DIS3L: variants seen among roughly 807,000 people sequenced by gnomAD.
DIS3L encodes DIS3-like exonuclease 1.
DIS3L carries 100 observed loss-of-function variants against 120.3 expected under a neutral mutation model. The observed-to-expected ratio is 0.83, with a 90% CI of 0.71 to 0.98. The LOEUF is 0.98. DIS3L is among the 50% of genes least tolerant of loss of function. The pLI is 0.00. For synonymous variants in DIS3L, 426 were observed against 470.6 expected, an observed-to-expected ratio of 0.91 and a Z score of 1.23; for missense variants, 1,196 against 1,314.2, an observed-to-expected ratio of 0.91 and a Z score of 1.39.
At chr15:66,319,543 CAAG>C (rs906595133) in intron 8 of DIS3L, among the ~76,000 whole-genome samples, 1 of 152,188 alleles carries the variant, frequency 6.6e-6, no homozygotes, top group Non-Finnish European at 1.5e-5. Context: ...AAGACATAAA[CAAG>C]AAGGTTAGAA....
At position 66,329,607 on chromosome 15, in the gene DIS3L, C is replaced by T. The variant is rs1298039163; in HGVS notation, c.2535+208C>T. The T allele has an allele frequency of 2.4e-5, 30 of 1,258,296 alleles. No homozygotes were observed. In the East Asian group the frequency reaches 7.2e-4, roughly 30 times the overall value. 77.9% of individuals were successfully genotyped at this position (1,258,296 alleles called of 1,614,324 possible). A position where few individuals can be genotyped will look rare whatever the true frequency, so the allele number is the denominator to read the frequency against. On this transcript the variant is annotated intron_variant, in intron 14 of 16. Coordinates refer to ENST00000319212, the MANE Select transcript of DIS3L (RefSeq NM_001143688.3). ...GTAGATTATCAGATTTTTTTTTTTC[C>T]GAAAGGTGGAAATGTAAAGATTCAA...
chr15:66,302,898 T>G (rs1428438880), intron 2 of DIS3L, among the ~76,000 whole-genome samples: 1 of 152,214 alleles, frequency 6.6e-6, no homozygotes, highest in Non-Finnish European at 1.5e-5. Context: ...ACATATGCCT[T>G]GTTGTCAGCC....
intron 2 of DIS3L, among the ~76,000 whole-genome samples, chr15:66,297,302 G>A (rs905229420): frequency 6.6e-6 from 1 of 152,164 alleles, no homozygotes; most frequent in African/African-American, 2.4e-5. Flanking sequence ...GATTAAAATT[G>A]TATGTATTTG....
chr15:66,321,720 C>G (rs570642736), intron 9 of DIS3L, among the ~76,000 whole-genome samples: 1 of 150,418 alleles, frequency 6.6e-6, no homozygotes, highest in South Asian at 2.1e-4. Flanking sequence ...GAGCCGAGAT[C>G]GCACCGCTGC....
In DIS3L at chr15:66,329,300, G is replaced by A. The variant is rs765832805; in HGVS notation, c.2436G>A (p.Met812Ile). The A allele has an allele frequency of 1.9e-6, 3 of 1,613,894 alleles. No individual in the cohort carries two copies. Among genetic ancestry groups the A allele is most frequent in the Admixed American group, 3.3e-5 (2 of 59,988 alleles). ...YSDIVVHRLL[M>I]AAISKDKKME... is the part of the protein sequence containing the mutation. ...ATATTGTAGTACACCGCTTGTTAATGGCAGCCATTTCAAAAGATAAGAAAA... is the reference window on the plus strand; with the variant it reads ...ATATTGTAGTACACCGCTTGTTAATAGCAGCCATTTCAAAAGATAAGAAAA... Residue 812 changes from methionine (M) to isoleucine (I), a missense_variant, in exon 14 of 17, where the codon ATG (methionine) becomes ATA (isoleucine). Transcript: ENST00000319212.
At position 66,333,260 on chromosome 15, in the gene DIS3L, A is replaced by G; in HGVS notation, c.3113A>G (p.Glu1038Gly). 10 of 1,613,258 alleles carry G rather than the reference A, an allele frequency of 6.2e-6. No individual in the cohort carries two copies. The highest frequency in any genetic ancestry group is 8.5e-6 in the Non-Finnish European group (10 of 1,179,838). Residue 1038 changes from glutamate (E) to glycine (G), a missense_variant, in exon 17 of 17, where the codon GAG becomes GGG. Coordinates refer to ENST00000319212, the MANE Select transcript of DIS3L (RefSeq NM_001143688.3). ...TKGRSLYTLL[E>G]EIRDLALLDV... ...GGAAGGAGCCTATACACACTTCTAGAGGAGATACGGGACCTAGCTCTCCTG... is the reference window on the plus strand; with the variant it reads ...GGAAGGAGCCTATACACACTTCTAGGGGAGATACGGGACCTAGCTCTCCTG...
At chr15:66,297,352 G>A (rs1240538857) in intron 2 of DIS3L, among the ~76,000 whole-genome samples, 1 of 152,150 alleles carries the variant, frequency 6.6e-6, no homozygotes, top group East Asian at 1.9e-4. Flanking sequence ...CCAGCACTTT[G>A]GGAGGCCAAG....
intron 8 of DIS3L, 23 bp from the exon 9 acceptor site, chr15:66,320,548 T>C (rs1435594681): frequency 6.2e-7 from 1 of 1,603,080 alleles, no homozygotes; most frequent in Admixed American, 1.7e-5. Context: ...CTCAGCTGTG[T>C]TTTATTTTTT....
intron 11 of DIS3L, 28 bp downstream of exon 11, chr15:66,323,613 C>T (rs779932300): frequency 6.2e-7 from 1 of 1,608,924 alleles, no homozygotes; most frequent in Non-Finnish European, 8.5e-7. Context: ...GTCTTCAAAG[C>T]TTGTCCTGGC....
chr15:66,309,074 C>T (rs1293832296), intron 4 of DIS3L, among the ~76,000 whole-genome samples: 1 of 2,752 alleles, frequency 3.6e-4, no homozygotes, highest in Non-Finnish European at 1.0e-3. Flanking sequence ...GAGACCTTGT[C>T]TCTACAGAAA....
At chr15:66,328,741 G>A (rs1290089411) in intron 12 of DIS3L, among the ~76,000 whole-genome samples, 1 of 152,090 alleles carries the variant, frequency 6.6e-6, no homozygotes, top group African/African-American at 2.4e-5. Flanking sequence ...ATCAGTACAT[G>A]ATTCATTTCT....
chr15:66,328,020 C>G (rs1226312208), intron 12 of DIS3L, among the ~76,000 whole-genome samples: 1 of 152,144 alleles, frequency 6.6e-6, no homozygotes, highest in Non-Finnish European at 1.5e-5. Flanking sequence ...CCACTACACT[C>G]CAGCCTCTGT....
chr15:66,321,847 A>T (rs2140389028), intron 9 of DIS3L, among the ~76,000 whole-genome samples: 1 of 152,186 alleles, frequency 6.6e-6, no homozygotes, highest in Non-Finnish European at 1.5e-5. Context: ...TTGGAATGTA[A>T]TCCTTAAAGT....
At chr15:66,314,754 CA>C (rs1452172849) in intron 6 of DIS3L, among the ~76,000 whole-genome samples, 1 of 152,082 alleles carries the variant, frequency 6.6e-6, no homozygotes, top group Admixed American at 6.6e-5. Flanking sequence ...TAGTTGCATG[CA>C]GGGAACTAAT....
At chr15:66,311,524 C>G (rs374790574) in intron 4 of DIS3L, among the ~76,000 whole-genome samples, 200 bp from the exon 5 acceptor site, 7 of 152,164 alleles carry the variant, frequency 4.6e-5, no homozygotes, top group Admixed American at 2.0e-4. Context: ...GGAGTGGCTT[C>G]CTGGGGCTCA....
rs1274606493 is a variant in DIS3L, at chr15:66,326,036, T to C, written c.1873T>C (p.Leu625=). 6.2e-7 allele frequency: 1 copy of C among 1,613,364 alleles called. No individual in the cohort carries two copies. Among genetic ancestry groups the C allele is most frequent in the Non-Finnish European group, 8.5e-7 (1 of 1,179,820 alleles). The stretch of plus-strand genomic sequence containing the variant: ...GAGCAGACAAGCCAAGCTGGAGGAG[T>C]TGGTGTGGGCAATTGGAAAGCTGAC... ...EKSRQAKLEE[L]VWAIGKLTDI... The change falls in exon 12 of 17, where the codon TTG becomes CTG. Residue 625 remains leucine (L), a synonymous_variant. Coordinates refer to ENST00000319212, the MANE Select transcript of DIS3L (RefSeq NM_001143688.3).
intron 2 of DIS3L, among the ~76,000 whole-genome samples, chr15:66,297,565 A>G (rs1032800036): frequency 6.6e-6 from 1 of 152,214 alleles, no homozygotes; most frequent in Non-Finnish European, 1.5e-5. Flanking sequence ...TTTTTTGGTG[A>G]TAATTAACTT....
chr15:66,303,655 T>G lies in DIS3L; in HGVS notation c.294-3169T>G, dbSNP rs2092670502. On this transcript the variant is annotated intron_variant, in intron 2 of 16. Coordinates refer to ENST00000319212, the MANE Select transcript of DIS3L (RefSeq NM_001143688.3). The stretch of plus-strand genomic sequence containing the variant: ...AAGCACAGGCAATATTTTTTCAATG[T>G]TTTCTCTGAAATAACAAATTGCAGA... Among the ~76,000 whole-genome samples the G allele has an allele frequency of 2.0e-5, 3 of 152,192 alleles. No individual in the cohort carries two copies. In the South Asian group the frequency reaches 6.2e-4, roughly 32 times the overall value.
chr15:66,312,308 A>G (rs2092771035), intron 5 of DIS3L, among the ~76,000 whole-genome samples: 1 of 152,206 alleles, frequency 6.6e-6, no homozygotes, highest in South Asian at 2.1e-4. Flanking sequence ...ACAGGCTGCA[A>G]ACAAGATGGG....
Sources: allele counts gnomAD v4.1 joint callset (sites outside exome capture counted in the v4.1 genomes callset), GRCh38; gene constraint gnomAD v4.1.1; transcripts MANE v1.5; gene names NCBI Gene and HGNC (gene_info 2026-07-23, HGNC 2026-07-21).